CELSR1: variants seen among roughly 807,000 people sequenced by gnomAD.
CELSR1 encodes cadherin EGF LAG seven-pass G-type receptor 1.
In CELSR1, 110 loss-of-function variants were observed where a neutral mutation model predicts 249.1. That is an observed-to-expected ratio of 0.44 (90% CI 0.38 to 0.52). CELSR1 has a LOEUF of 0.52. Ranked by LOEUF, CELSR1 falls within the 20% of genes least tolerant of loss-of-function variation. CELSR1 has a pLI of 0.00. For synonymous variants in CELSR1, 2,113 were observed against 1,900.0 expected (o/e 1.11, Z -2.92); for missense variants, 4,109 against 4,296.4 (o/e 0.96, Z 1.22).
At position 46,407,790 on chromosome 22, in the gene CELSR1, T is replaced by C. The variant is rs1261300186; in HGVS notation, c.5226+1206A>G. Among the ~76,000 whole-genome samples, 1 of 152,140 alleles carries C rather than the reference T, an allele frequency of 6.6e-6. No individual in the cohort carries two copies. On this transcript the variant is annotated intron_variant, in intron 9 of 34. Coordinates refer to ENST00000674500, the MANE Select transcript of CELSR1 (RefSeq NM_001378328.1). This position sits in a 1 kb window ranked among gnomAD's most constrained non-coding sequence, Gnocchi z 4.8. ...TGAGAATTAGGCCTAAGGAGAGACA[T>C]AAAGGGAGCTTTTTAGGAGGGAGAA...
At chr22:46,383,479 T>A (rs575055844) in intron 20 of CELSR1, among the ~76,000 whole-genome samples, 5 of 152,336 alleles carry the variant, frequency 3.3e-5, no homozygotes, top group Admixed American at 2.0e-4. Context: ...GTTGTTGTTT[T>A]TTTGCGGGAA....
chr22:46,529,489 G>C (rs1281680260), intron 1 of CELSR1, among the ~76,000 whole-genome samples: 1 of 151,028 alleles, frequency 6.6e-6, no homozygotes, highest in Non-Finnish European at 1.5e-5. Flanking sequence ...GATGGTCAAT[G>C]GGTACAAAAA....
intron 1 of CELSR1, among the ~76,000 whole-genome samples, chr22:46,467,182 T>C (rs562115058): frequency 5.3e-5 from 8 of 152,348 alleles, no homozygotes; most frequent in African/African-American, 1.7e-4. Context: ...TAACATAGTT[T>C]TGTCTTACGC....
At chr22:46,389,044 G>A (rs2079060400) in intron 18 of CELSR1, among the ~76,000 whole-genome samples, 1 of 152,238 alleles carries the variant, frequency 6.6e-6, no homozygotes, top group Non-Finnish European at 1.5e-5. Context: ...TCACACTACA[G>A]GCACTACCAG....
rs2078978332 is a variant in CELSR1 at position 46,381,589 on chromosome 22, G to C, written c.7088+257C>G. Among the ~76,000 whole-genome samples the C allele has an allele frequency of 6.6e-6, 1 of 152,224 alleles. No individual in the cohort carries two copies. Among genetic ancestry groups the C allele is most frequent in the Admixed American group, 6.5e-5 (1 of 15,290 alleles). On this transcript the variant is annotated intron_variant, in intron 21 of 34. Transcript: ENST00000674500. This position sits in a 1 kb window ranked among gnomAD's most constrained non-coding sequence, Gnocchi z 6.0. ...CACAAGATGGGGTGTATGCTGGGGAGGGGGCATTTCTGGCACAAACACCAG... is the reference window on the plus strand; with the variant it reads ...CACAAGATGGGGTGTATGCTGGGGACGGGGCATTTCTGGCACAAACACCAG...
rs543672234 is a variant in CELSR1, at chr22:46,381,319, A to G, written c.7089-364T>C. ...TAATGGCAGCTCATGGGGATGAATCACCCAGTCACTGAGAACCACGTGAAC... is the reference window on the plus strand; with the variant it reads ...TAATGGCAGCTCATGGGGATGAATCGCCCAGTCACTGAGAACCACGTGAAC... On this transcript the variant is annotated intron_variant, in intron 21 of 34. Coordinates refer to ENST00000674500, the MANE Select transcript of CELSR1 (RefSeq NM_001378328.1). The surrounding 1 kb of genome is among the most constrained non-coding windows in gnomAD (Gnocchi z 6.0). Among the ~76,000 whole-genome samples, 173 of 152,324 alleles carry G rather than the reference A, an allele frequency of 1.1e-3. No homozygotes were observed. The highest frequency in any genetic ancestry group is 2.0e-3 in the Admixed American group (30 of 15,290).
In CELSR1 at chr22:46,440,287, C is replaced by A. The variant is rs1200335475; in HGVS notation, c.4184-876G>T. On this transcript the variant is annotated intron_variant, in intron 2 of 34. Transcript: ENST00000674500. The surrounding 1 kb of genome is among the most constrained non-coding windows in gnomAD (Gnocchi z 4.7). The stretch of plus-strand genomic sequence containing the variant: ...GGTGTGTGGCTGGTGACACTCCCGC[C>A]CCCGGACAGGGATGGTGAGCCGCAA... 6.6e-6 allele frequency among the ~76,000 whole-genome samples: 1 copy of A among 152,210 alleles called. No homozygotes were observed. The highest frequency in any genetic ancestry group is 1.5e-5 in the Non-Finnish European group (1 of 68,036).
rs1388781636 is a variant in CELSR1, at chr22:46,434,341, G to A, written c.4523-860C>T. Among the ~76,000 whole-genome samples, 1 of 152,208 alleles carries A rather than the reference G, an allele frequency of 6.6e-6. No individual in the cohort carries two copies. The highest frequency in any genetic ancestry group is 2.4e-5 in the African/African-American group (1 of 41,454). On this transcript the variant is annotated intron_variant, in intron 4 of 34. Coordinates refer to ENST00000674500, the MANE Select transcript of CELSR1 (RefSeq NM_001378328.1). This position sits in a 1 kb window ranked among gnomAD's most constrained non-coding sequence, Gnocchi z 4.9. ...CAACCCTGAGTCAGCAGCAGCAGCT[G>A]GGAGGAAGGAGCTTCAGGGGCACCA...
intron 1 of CELSR1, among the ~76,000 whole-genome samples, chr22:46,495,525 G>C (rs2080404648): frequency 6.6e-6 from 1 of 152,204 alleles, no homozygotes; most frequent in African/African-American, 2.4e-5. Context: ...ACACCAGGCT[G>C]CACTACATTT....
At chr22:46,392,016 A>G (rs2079098458) in intron 14 of CELSR1, among the ~76,000 whole-genome samples, 200 bp from the exon 15 acceptor site, 1 of 152,226 alleles carries the variant, frequency 6.6e-6, no homozygotes, top group Non-Finnish European at 1.5e-5. Context: ...GGCCGGACCC[A>G]GGAGAGCAGT....
intron 1 of CELSR1, among the ~76,000 whole-genome samples, chr22:46,466,993 C>T (rs887479512): frequency 4.6e-5 from 7 of 152,178 alleles, no homozygotes; most frequent in Non-Finnish European, 7.3e-5. Context: ...GGAACCTGGC[C>T]GTGCTGCCTC....
At chr22:46,531,645 C>T (rs1455634626) in intron 1 of CELSR1, among the ~76,000 whole-genome samples, 1 of 152,162 alleles carries the variant, frequency 6.6e-6, no homozygotes, top group East Asian at 1.9e-4. Flanking sequence ...ACGCCGAGTG[C>T]CCCCCACTGG....
chr22:46,439,497 C>T (rs1602138857), intron 2 of CELSR1, 86 bp from the exon 3 acceptor site: 31 of 1,087,626 alleles, frequency 2.9e-5, no homozygotes, highest in Non-Finnish European at 4.0e-5. Flanking sequence ...CCTGGACACA[C>T]CCCAGCCACA....
chr22:46,367,349 T>C (rs1157101212), intron 28 of CELSR1, among the ~76,000 whole-genome samples: 2 of 152,244 alleles, frequency 1.3e-5, no homozygotes, highest in Non-Finnish European at 2.9e-5. Context: ...CTGGAGGCAG[T>C]GAGGGCCCCG....
At chr22:46,523,827 C>T (rs1433220088) in intron 1 of CELSR1, among the ~76,000 whole-genome samples, 1 of 152,136 alleles carries the variant, frequency 6.6e-6, no homozygotes, top group African/African-American at 2.4e-5. Flanking sequence ...CAGTCCTTCA[C>T]TCTACAGCTT....
At position 46,364,134 on chromosome 22, in the gene CELSR1, G is replaced by A. The variant is rs1209309247; in HGVS notation, c.8897C>T (p.Thr2966Met). ...GGGGCCGCCAGAGCCCAGGGAAGAC[G>A]TGCGCGAGGATGTGGGGCTCTGCTC... ...DCEQSPTSSR[T>M]SSLGSGGPDC... is the part of the protein sequence containing the mutation. Residue 2966 changes from threonine (T) to methionine (M), a missense_variant, in exon 34 of 35, where the codon ACG becomes ATG. Physicochemically the swap from Thr to Met is moderately conservative, Grantham distance 81 (BLOSUM62 -1). Transcript: ENST00000674500. The A allele has an allele frequency of 6.2e-6, 10 of 1,607,510 alleles. No individual in the cohort carries two copies. Among genetic ancestry groups the A allele is most frequent in the East Asian group, 2.2e-5 (1 of 44,882 alleles).
intron 5 of CELSR1, among the ~76,000 whole-genome samples, chr22:46,424,388 T>C (rs1299882729): frequency 6.6e-6 from 1 of 152,148 alleles, no homozygotes; most frequent in Non-Finnish European, 1.5e-5. Context: ...CTGAAAGTTA[T>C]TTTGATGAAA....
rs559899857 is a variant in CELSR1 at position 46,463,720 on chromosome 22, G to T, written c.4170C>A (p.Phe1390Leu). The T allele has an allele frequency of 6.6e-7, 1 of 1,525,796 alleles. No individual in the cohort carries two copies. The highest frequency in any genetic ancestry group is 8.8e-7 in the Non-Finnish European group (1 of 1,138,446). The allele number at this position is 1,525,796 out of a possible 1,614,324, so 94.5% of individuals were successfully genotyped here. ...SREGGYTCEC[F>L]EDFTGEHCEV... ...CCGGGCACCTACCAGTGAAGTCCTC[G>T]AAGCACTCGCAGGTGTAGCCGCCCT... The change falls in exon 2 of 35, where the codon TTC becomes TTA. Residue 1390 changes from phenylalanine to leucine, a missense_variant. Physicochemically the swap from Phe to Leu is conservative, Grantham distance 22 (BLOSUM62 0). Around this residue, in one of 7 missense-constraint regions of CELSR1, gnomAD observed 453 missense variants for 492.0 expected, o/e 0.92. Transcript: ENST00000674500.
chr22:46,414,254 T>G (rs1384327590), intron 5 of CELSR1, among the ~76,000 whole-genome samples: 1 of 152,176 alleles, frequency 6.6e-6, no homozygotes, highest in Non-Finnish European at 1.5e-5. Flanking sequence ...GCTGCTCGAT[T>G]CTGACTCCCA....
Sources: gnomAD v4.1 joint callset for allele counts (sites outside exome capture counted in the v4.1 genomes callset) on GRCh38, gnomAD v4.1.1 for gene constraint, gnomAD v4.1.1 regional missense constraint, Gnocchi (gnomAD v3.1) non-coding constraint, MANE v1.5 for transcripts, NCBI Gene and HGNC (gene_info 2026-07-23, HGNC 2026-07-21) for gene names.